The following NAP1L4 variants were observed in gnomAD, a reference collection of about 807,000 sequenced individuals.
NAP1L4 encodes the protein nucleosome assembly protein 1-like 4.
Under a neutral mutation model 58.2 loss-of-function variants are expected in NAP1L4, and 15 were observed. The observed-to-expected ratio is 0.26, with a 90% CI of 0.17 to 0.40. The LOEUF is 0.40. NAP1L4 is among the 10% of genes least tolerant of loss of function. The pLI is 1.00. For synonymous variants in NAP1L4, 171 were observed against 155.6 expected, an observed-to-expected ratio of 1.10 and a Z score of -0.74; for missense variants, 384 against 451.1, an observed-to-expected ratio of 0.85 and a Z score of 1.35.
chr11:2,944,946 G>A lies in NAP1L4; in HGVS notation c.*733C>T, dbSNP rs917116434. 4 of 152,118 alleles carry A rather than the reference G, an allele frequency of 2.6e-5. No individual in the cohort carries two copies. The highest frequency in any genetic ancestry group is 7.2e-5 in the African/African-American group (3 of 41,406). 9.4% of individuals were successfully genotyped at this position (152,118 alleles called of 1,614,324 possible). A position where few individuals can be genotyped will look rare whatever the true frequency, so the allele number is the denominator to read the frequency against. ...AGAAACGTTAAGGACGAGCCACAGC[G>A]AAAAGCCGCAGTCCTCACAGGCAAG... On this transcript the variant is annotated 3_prime_UTR_variant, in exon 16 of 16. Coordinates refer to ENST00000380542, the MANE Select transcript of NAP1L4 (RefSeq NM_005969.4).
chr11:2,988,182 C>G (rs1223708572), intron 1 of NAP1L4: 1 of 152,220 alleles, frequency 6.6e-6, no homozygotes, highest in South Asian at 2.1e-4. Flanking sequence ...CAAAACACTA[C>G]ATTTTACTTG....
intron 12 of NAP1L4, chr11:2,952,233 T>C: frequency 5.3e-6 from 1 of 187,166 alleles, no homozygotes; most frequent in Non-Finnish European, 1.1e-5. Context: ...TGGGTATCAT[T>C]TTACATCTCA....
rs1022665987 is a variant in NAP1L4 at position 2,948,381 on chromosome 11, A to T, written c.*32+846T>A. 1.3e-5 allele frequency among the ~76,000 whole-genome samples: 2 copies of T among 152,178 alleles called. No homozygotes were observed. The highest frequency in any genetic ancestry group is 4.8e-5 in the African/African-American group (2 of 41,426). On this transcript the variant is annotated intron_variant, in intron 15 of 15. Transcript: ENST00000380542. The surrounding 1 kb of genome is among the most constrained non-coding windows in gnomAD (Gnocchi z 5.1). ...AAACGGAGTGCCTACTTATCCTGGC[A>T]TGCAGAGGCCCTGCTATGGTTGTGG... is the stretch of plus-strand genomic sequence containing the variant.
chr11:2,975,400 AT>A (rs371722986), intron 4 of NAP1L4, among the ~76,000 whole-genome samples: 89 of 152,222 alleles, frequency 5.8e-4, no homozygotes, highest in African/African-American at 2.1e-3. Flanking sequence ...TATCATTTTC[AT>A]AGTGCAATAC....
At chr11:2,972,075 G>A (rs751895519) in intron 5 of NAP1L4, 27 bp downstream of exon 5, 23 of 1,517,262 alleles carry the variant, frequency 1.5e-5, no homozygotes, top group Admixed American at 1.2e-4. Flanking sequence ...AAAACTATCT[G>A]TATATTAAAT....
At chr11:2,988,177 CACT>C (rs1311223535) in intron 1 of NAP1L4, 6 of 152,210 alleles carry the variant, frequency 3.9e-5, no homozygotes, top group African/African-American at 1.4e-4. Context: ...TTAACCAAAA[CACT>C]ACATTTTACT....
Position 2,951,248 on chromosome 11 carries a change from A to G in NAP1L4, c.1122+11T>C. The G allele has an allele frequency of 6.2e-7, 1 of 1,613,458 alleles. No individual in the cohort carries two copies. Among genetic ancestry groups the G allele is most frequent in the Non-Finnish European group, 8.5e-7 (1 of 1,179,526 alleles). On this transcript the variant is annotated intron_variant, in intron 14 of 15. Coordinates refer to ENST00000380542, the MANE Select transcript of NAP1L4 (RefSeq NM_005969.4). This position sits in a 1 kb window ranked among gnomAD's most constrained non-coding sequence, Gnocchi z 4.0. ...TAATAAGTAGGTCTGGGTGGCCCCA[A>G]AGTTACCAACCTTGGGGTTAATTTC...
At chr11:2,947,193 G>A (rs1845981723) in intron 15 of NAP1L4, among the ~76,000 whole-genome samples, 1 of 152,202 alleles carries the variant, frequency 6.6e-6, no homozygotes, top group Admixed American at 6.5e-5. Flanking sequence ...ATGCTCACGG[G>A]AGGATTCCAG....
At position 2,946,265 on chromosome 11, in the gene NAP1L4, C is replaced by G. The variant is rs373729592; in HGVS notation, c.*33-619G>C. 6.5e-4 allele frequency among the ~76,000 whole-genome samples: 99 copies of G among 152,316 alleles called. No homozygotes were observed. Among genetic ancestry groups the G allele is most frequent in the Middle Eastern group, 6.8e-3 (2 of 294 alleles). On this transcript the variant is annotated intron_variant, in intron 15 of 15. Transcript: ENST00000380542. This position sits in a 1 kb window ranked among gnomAD's most constrained non-coding sequence, Gnocchi z 4.8. ...TCCATCTGTCACTCACTCTCCTTCA[C>G]TCTCCTAACAGTCTCACCAAGGGGC... is the stretch of plus-strand genomic sequence containing the variant.
rs2133917549 is a variant in NAP1L4 at position 2,955,399 on chromosome 11, T to TA, written c.915+344_915+345insT. Among the ~76,000 whole-genome samples, 1 of 150,450 alleles carries TA rather than the reference T, an allele frequency of 6.6e-6. No individual in the cohort carries two copies. Among genetic ancestry groups the TA allele is most frequent in the East Asian group, 2.0e-4 (1 of 5,118 alleles). On this transcript the variant is annotated intron_variant, in intron 11 of 15. Transcript: ENST00000380542. The surrounding 1 kb of genome is among the most constrained non-coding windows in gnomAD (Gnocchi z 4.2). ...TTTGGTATTTTAAGCAGAAACGGGG[T>TA]TTCACCATGTTGACCAGACTGGTCT...
chr11:2,951,160 T>C lies in NAP1L4; in HGVS notation c.1122+99A>G, dbSNP rs1308371688. Reference sequence around the variant, plus strand: ...TTTAAACTTTCTAATTAGGGAATAATGAATATTGTTAACACTACTGCCTCA... The same window carrying C: ...TTTAAACTTTCTAATTAGGGAATAACGAATATTGTTAACACTACTGCCTCA... On this transcript the variant is annotated intron_variant, in intron 14 of 15. Coordinates refer to ENST00000380542, the MANE Select transcript of NAP1L4 (RefSeq NM_005969.4). The surrounding 1 kb of genome is among the most constrained non-coding windows in gnomAD (Gnocchi z 4.0). 1.1e-6 allele frequency: 1 copy of C among 886,244 alleles called. No homozygotes were observed. The highest frequency in any genetic ancestry group is 1.7e-5 in the African/African-American group (1 of 59,374). 54.9% of individuals were successfully genotyped at this position (886,244 alleles called of 1,614,324 possible). A position where few individuals can be genotyped will look rare whatever the true frequency, so the allele number is the denominator to read the frequency against.
chr11:2,985,454 C>T (rs564906662), intron 1 of NAP1L4, among the ~76,000 whole-genome samples: 122 of 152,238 alleles, frequency 8.0e-4, no homozygotes, highest in African/African-American at 7.5e-4. Context: ...AACCACAGCC[C>T]GAAGACTCAT....
intron 10 of NAP1L4, 174 bp downstream of exon 10, chr11:2,958,225 C>G (rs572239356): frequency 1.3e-5 from 9 of 719,652 alleles, no homozygotes; most frequent in African/African-American, 7.0e-5. Flanking sequence ...CTCTGCCCCC[C>G]GCGATAAACT....
At chr11:2,978,610 C>T (rs750433926) in intron 2 of NAP1L4, among the ~76,000 whole-genome samples, 1 of 152,160 alleles carries the variant, frequency 6.6e-6, no homozygotes, top group Non-Finnish European at 1.5e-5. Context: ...CTTCTTAGCT[C>T]TCATTTCTAC....
intron 1 of NAP1L4, among the ~76,000 whole-genome samples, chr11:2,983,590 T>TG (rs201168872): frequency 1.1e-3 from 127 of 114,890 alleles, no homozygotes; most frequent in African/African-American, 5.2e-3. Flanking sequence ...CACGGTATTC[T>TG]GGAAAAAAAA....
At chr11:2,986,163 C>T (rs1848603596) in intron 1 of NAP1L4, among the ~76,000 whole-genome samples, 1 of 152,052 alleles carries the variant, frequency 6.6e-6, no homozygotes, top group East Asian at 1.9e-4. Flanking sequence ...CACATGAGGT[C>T]GGGAGTTCGA....
intron 1 of NAP1L4, among the ~76,000 whole-genome samples, chr11:2,980,467 T>C (rs1350400557): frequency 1.3e-5 from 2 of 152,208 alleles, no homozygotes; most frequent in Non-Finnish European, 2.9e-5. Flanking sequence ...ATTACAGGTG[T>C]GAGTCAACAC....
At chr11:2,970,848 A>AC (rs78730766) in intron 6 of NAP1L4, among the ~76,000 whole-genome samples, 159 of 141,930 alleles carry the variant, frequency 1.1e-3, no homozygotes, top group Middle Eastern at 7.5e-3. Flanking sequence ...ATCATATACC[A>AC]CCCCCCCCCC....
intron 7 of NAP1L4, among the ~76,000 whole-genome samples, chr11:2,967,098 G>A (rs533059952): frequency 2.6e-4 from 40 of 152,198 alleles, no homozygotes; most frequent in African/African-American, 9.4e-4. Context: ...ATCCGCCTTT[G>A]GAATTTAATA....
Sources: allele counts gnomAD v4.1 joint callset (sites outside exome capture counted in the v4.1 genomes callset), GRCh38; gene constraint gnomAD v4.1.1; non-coding constraint Gnocchi (gnomAD v3.1); transcripts MANE v1.5; gene names NCBI Gene and HGNC (gene_info 2026-07-23, HGNC 2026-07-21).